MAP3K19: variants seen among roughly 807,000 people sequenced by gnomAD.
The protein encoded by MAP3K19 is mitogen-activated protein kinase kinase kinase 19.
Under a neutral mutation model 114.4 loss-of-function variants are expected in MAP3K19, and 91 were observed. That is an observed-to-expected ratio of 0.80 (90% CI 0.67 to 0.95). The LOEUF is 0.95. MAP3K19 is among the 40% of genes least tolerant of loss of function. The probability of loss-of-function intolerance (pLI) is 0.00; values close to 1 mark genes in which losing one functional copy is unlikely to be tolerated. For missense variants in MAP3K19, 1,471 were observed against 1,573.2 expected (o/e 0.94, Z 1.10); for synonymous variants, 518 against 530.5 (o/e 0.98, Z 0.32).
intron 8 of MAP3K19, among the ~76,000 whole-genome samples, chr2:134,997,816 T>TCAAAAAAAAAAAAAAAAAAAAAAAAAAA (rs1686114851): frequency 1.3e-5 from 1 of 79,546 alleles, no homozygotes; most frequent in Admixed American, 1.3e-4. Flanking sequence ...AGACTCCGTC[T>TCAAAAAAAAAAAAAAAAAAAAAAAAAAA]CAAAAAAAAA....
At chr2:134,990,393 T>C (rs1685477015) in intron 9 of MAP3K19, among the ~76,000 whole-genome samples, 1 of 152,088 alleles carries the variant, frequency 6.6e-6, no homozygotes, top group Admixed American at 6.5e-5. Flanking sequence ...TGAAGACCTT[T>C]ATGGTGATCC....
chr2:135,039,635 C>A (rs1688607872), intron 2 of MAP3K19, among the ~76,000 whole-genome samples: 1 of 152,114 alleles, frequency 6.6e-6, no homozygotes, highest in Admixed American at 6.6e-5. Flanking sequence ...ATAGAGGCAT[C>A]AACTTGTGCA....
intron 4 of MAP3K19, among the ~76,000 whole-genome samples, chr2:135,023,949 T>G (rs1459845204): frequency 2.0e-5 from 3 of 152,104 alleles, no homozygotes; most frequent in Admixed American, 1.3e-4. Context: ...CTCCCCTCCA[T>G]GGGCCCAGTT....
intron 9 of MAP3K19, among the ~76,000 whole-genome samples, chr2:134,989,353 G>A (rs1303243350): frequency 2.0e-5 from 3 of 152,156 alleles, no homozygotes; most frequent in Non-Finnish European, 4.4e-5. Context: ...TAGTAATTGA[G>A]AAATGTATGT....
rs943679344 is a variant in MAP3K19, at chr2:134,999,135, C to T, written c.315-138G>A. On this transcript the variant is annotated intron_variant, in intron 7 of 12. Coordinates refer to ENST00000392915, the MANE Select transcript of MAP3K19 (RefSeq NM_025052.5). The surrounding 1 kb of genome is among the most constrained non-coding windows in gnomAD (Gnocchi z 4.1). Reference sequence around the variant, plus strand: ...GTGCTGCTGAAAGGAAAGGCTGAATCCTGAGAGGGTAAGACATCTCCACCT... The same window carrying T: ...GTGCTGCTGAAAGGAAAGGCTGAATTCTGAGAGGGTAAGACATCTCCACCT... 7 of 1,011,324 alleles carry T rather than the reference C, an allele frequency of 6.9e-6. No individual in the cohort carries two copies. The highest frequency in any genetic ancestry group is 4.9e-5 in the African/African-American group (3 of 61,586). 62.6% of individuals were successfully genotyped at this position (1,011,324 alleles called of 1,614,324 possible). A position where few individuals can be genotyped will look rare whatever the true frequency, so the allele number is the denominator to read the frequency against.
At chr2:134,968,570 G>A (rs1229314829) in intron 12 of MAP3K19, among the ~76,000 whole-genome samples, 4 of 145,920 alleles carry the variant, frequency 2.7e-5, no homozygotes, top group South Asian at 4.4e-4. Context: ...GCTGCCGGGC[G>A]GAGGGGCTCC....
chr2:134,990,390 C>A (rs1362840276), intron 9 of MAP3K19, among the ~76,000 whole-genome samples: 1 of 152,000 alleles, frequency 6.6e-6, no homozygotes, highest in Non-Finnish European at 1.5e-5. Flanking sequence ...GGATGAAGAC[C>A]TTTATGGTGA....
At chr2:134,985,683 A>C in intron 10 of MAP3K19, 117 bp downstream of exon 10, 1 of 955,182 alleles carries the variant, frequency 1.0e-6, no homozygotes, top group South Asian at 2.2e-5. Flanking sequence ...GAGACCTTGA[A>C]AAAACTATTT....
In MAP3K19 at chr2:134,983,818, C is replaced by A. The variant is rs760772415; in HGVS notation, c.3080G>T (p.Ser1027Ile). ...CCTGTCATATATCCTGAGCCCACTA[C>A]TATGCCTCTGGAAGAATGAGACAAA... is the stretch of plus-strand genomic sequence containing the variant. ...ETTKVKIQRHSSGLRIYDREE... is the reference protein window; with the variant it reads ...ETTKVKIQRHISGLRIYDREE... The change falls in exon 11 of 13, where the codon AGT becomes ATT. Residue 1027 changes from serine to isoleucine, a missense_variant. Physicochemically the swap from Ser to Ile is moderately radical, Grantham distance 142 (BLOSUM62 -2). Transcript: ENST00000392915. The A allele has an allele frequency of 6.4e-6, 10 of 1,571,120 alleles. No individual in the cohort carries two copies. Among genetic ancestry groups the A allele is most frequent in the South Asian group, 5.9e-5 (5 of 84,202 alleles).
At chr2:135,023,009 GCTT>G (rs1294128693) in intron 4 of MAP3K19, among the ~76,000 whole-genome samples, 2 of 152,022 alleles carry the variant, frequency 1.3e-5, no homozygotes, top group Non-Finnish European at 2.9e-5. Context: ...TGCTATCCTG[GCTT>G]CTTCTAATAA....
chr2:134,984,198 C>T (rs926301355), intron 10 of MAP3K19, among the ~76,000 whole-genome samples: 4 of 152,116 alleles, frequency 2.6e-5, no homozygotes, highest in African/African-American at 9.7e-5. Context: ...GCCCCCTAAC[C>T]TCAACTCTCT....
intron 2 of MAP3K19, among the ~76,000 whole-genome samples, chr2:135,033,254 A>C (rs1189464321): frequency 4.7e-5 from 4 of 85,842 alleles, no homozygotes; most frequent in African/African-American, 6.7e-5. Flanking sequence ...TGACCCCCCC[A>C]CCTCCCTCCC....
chr2:135,022,035 A>AT (rs78779326), intron 4 of MAP3K19, among the ~76,000 whole-genome samples: 19,101 of 151,398 alleles, frequency 0.13, 1,508 homozygotes, highest in South Asian at 0.32. Context: ...ATGGCTTACT[A>AT]TTTTTTTTTA....
chr2:135,034,041 T>G (rs1357439433), intron 2 of MAP3K19, among the ~76,000 whole-genome samples: 1 of 64,074 alleles, frequency 1.6e-5, no homozygotes, highest in Non-Finnish European at 2.6e-5. Context: ...AGGCGGAGGG[T>G]CTCCTCACTT....
At chr2:134,998,245 A>G (rs1245724300) in intron 8 of MAP3K19, among the ~76,000 whole-genome samples, 1 of 152,200 alleles carries the variant, frequency 6.6e-6, no homozygotes, top group Admixed American at 6.5e-5. Flanking sequence ...TTCTGGCCAA[A>G]AGCATCCACA....
At chr2:135,018,737 G>A (rs1687766834) in intron 5 of MAP3K19, among the ~76,000 whole-genome samples, 1 of 152,042 alleles carries the variant, frequency 6.6e-6, no homozygotes, top group Non-Finnish European at 1.5e-5. Context: ...AAATGATAGA[G>A]GAACAACAGG....
chr2:135,021,431 T>TAC (rs1238005450), intron 5 of MAP3K19, among the ~76,000 whole-genome samples: 1 of 151,516 alleles, frequency 6.6e-6, no homozygotes, highest in African/African-American at 2.4e-5. Context: ...CAATCTATGG[T>TAC]ACTTTGTTAT....
intron 12 of MAP3K19, among the ~76,000 whole-genome samples, chr2:134,975,669 G>A (rs1313316099): frequency 1.3e-5 from 2 of 152,194 alleles, no homozygotes; most frequent in African/African-American, 4.8e-5. Context: ...GTCAGTGGCA[G>A]CAGCTTCAGG....
At chr2:134,968,815 C>T (rs374799311) in intron 12 of MAP3K19, among the ~76,000 whole-genome samples, 5 of 151,872 alleles carry the variant, frequency 3.3e-5, no homozygotes, top group African/African-American at 1.2e-4. Flanking sequence ...AGGCGCTCCT[C>T]ACTTCCTAGA....
Sources: gnomAD v4.1 joint callset for allele counts (sites outside exome capture counted in the v4.1 genomes callset) on GRCh38, gnomAD v4.1.1 for gene constraint, Gnocchi (gnomAD v3.1) non-coding constraint, MANE v1.5 for transcripts, NCBI Gene and HGNC (gene_info 2026-07-23, HGNC 2026-07-21) for gene names.